The following UBXN2A variants were observed in gnomAD, a reference collection of about 807,000 sequenced individuals.
UBXN2A encodes the protein UBX domain-containing protein 2A.
Under a neutral mutation model 28.4 loss-of-function variants are expected in UBXN2A, and 28 were observed. The observed-to-expected ratio is 0.99, with a 90% CI of 0.73 to 1.35. The LOEUF (loss-of-function observed/expected upper bound fraction) is 1.35. Among genes scored for constraint, UBXN2A ranks in the 40% most tolerant of loss-of-function variants. The pLI is 0.00. For synonymous variants in UBXN2A, 97 were observed against 103.6 expected, an observed-to-expected ratio of 0.94 and a Z score of 0.39; for missense variants, 253 against 297.9, an observed-to-expected ratio of 0.85 and a Z score of 1.11.
chr2:23,967,847 C>A (rs1707239060), intron 2 of UBXN2A, among the ~76,000 whole-genome samples: 1 of 151,804 alleles, frequency 6.6e-6, no homozygotes, highest in African/African-American at 2.4e-5. Flanking sequence ...TACGAGAGGA[C>A]TACCTAGGGA....
intron 1 of UBXN2A, among the ~76,000 whole-genome samples, chr2:23,931,157 A>G (rs896391257): frequency 6.6e-6 from 1 of 151,092 alleles, no homozygotes; most frequent in Non-Finnish European, 1.5e-5. Flanking sequence ...ATCTCAAAAA[A>G]AAAAGGGGGG....
chr2:23,934,216 A>T (rs1405042443), intron 1 of UBXN2A, among the ~76,000 whole-genome samples: 4 of 125,546 alleles, frequency 3.2e-5, no homozygotes, highest in Non-Finnish European at 5.7e-5. Context: ...GTGTTAAAAT[A>T]AAAAAAAAAA....
At chr2:23,983,536 A>C (rs533163126) in intron 5 of UBXN2A, among the ~76,000 whole-genome samples, 152 of 152,276 alleles carry the variant, frequency 1.0e-3, no homozygotes, top group African/African-American at 3.4e-3. Flanking sequence ...GCAATACAGT[A>C]AAAAATCATG....
chr2:23,992,835 A>T (rs114628583), intron 6 of UBXN2A, among the ~76,000 whole-genome samples: 1 of 152,130 alleles, frequency 6.6e-6, no homozygotes, highest in African/African-American at 2.4e-5. Flanking sequence ...TTTAATTTCA[A>T]CGTATCTGTA....
intron 2 of UBXN2A, among the ~76,000 whole-genome samples, chr2:23,959,463 G>A (rs1706798073): frequency 6.6e-6 from 1 of 152,082 alleles, no homozygotes; most frequent in Non-Finnish European, 1.5e-5. Context: ...CTGCACTCCA[G>A]CCTGGGTGAC....
Position 23,958,375 on chromosome 2 carries a change from A to C in UBXN2A, c.41+20A>C. On this transcript the variant is annotated intron_variant, in intron 2 of 6. Transcript: ENST00000309033. ...AGAATGGTAAGTTAATTCAAACTGA[A>C]TTGCTTTGTTAATGCCTTTGTTAAT... 1 of 1,594,344 alleles carries C rather than the reference A, an allele frequency of 6.3e-7. No individual in the cohort carries two copies. The highest frequency in any genetic ancestry group is 8.5e-7 in the Non-Finnish European group (1 of 1,172,356).
chr2:23,947,894 G>A (rs1348950920), intron 1 of UBXN2A, among the ~76,000 whole-genome samples: 1 of 151,834 alleles, frequency 6.6e-6, no homozygotes, highest in Non-Finnish European at 1.5e-5. Flanking sequence ...TGCTCTTGTT[G>A]CCCAGGCTGG....
At chr2:23,997,682 G>A (rs192300909) in intron 6 of UBXN2A, among the ~76,000 whole-genome samples, 40 of 152,024 alleles carry the variant, frequency 2.6e-4, no homozygotes, top group South Asian at 1.2e-3. Flanking sequence ...TCTTGATCTC[G>A]TGATCTGCCT....
upstream of UBXN2A, among the ~76,000 whole-genome samples, chr2:23,939,032 T>G (rs547417013): frequency 7.9e-5 from 12 of 151,924 alleles, no homozygotes; most frequent in Admixed American, 3.3e-4. Flanking sequence ...GAGGTGGTGG[T>G]GGGGGGAACG....
At chr2:23,997,395 AT>A (rs1488224041) in intron 6 of UBXN2A, among the ~76,000 whole-genome samples, 1 of 152,196 alleles carries the variant, frequency 6.6e-6, no homozygotes, top group Admixed American at 6.5e-5. Flanking sequence ...AGCACATCTG[AT>A]TTCTTATATC....
intron 2 of UBXN2A, among the ~76,000 whole-genome samples, chr2:23,970,263 G>A (rs746384534): frequency 2.6e-5 from 4 of 152,284 alleles, no homozygotes; most frequent in South Asian, 2.1e-4. Flanking sequence ...CAGCCTGCAC[G>A]ACAGAGAGGG....
intron 2 of UBXN2A, among the ~76,000 whole-genome samples, chr2:23,964,501 C>T (rs867373977): frequency 5.5e-4 from 84 of 152,306 alleles, no homozygotes; most frequent in African/African-American, 1.7e-3. Context: ...TGAGCCACCA[C>T]GCTCGGCTAT....
chr2:23,990,798 A>G (rs1358663490), intron 6 of UBXN2A, among the ~76,000 whole-genome samples: 4 of 152,018 alleles, frequency 2.6e-5, no homozygotes, highest in Non-Finnish European at 4.4e-5. Flanking sequence ...AGTATTTGCT[A>G]TGGCTGCACA....
At chr2:23,985,113 T>C (rs913338741) in intron 6 of UBXN2A, among the ~76,000 whole-genome samples, 2 of 152,122 alleles carry the variant, frequency 1.3e-5, no homozygotes, top group Non-Finnish European at 2.9e-5. Context: ...TTTTAAAAAT[T>C]GTTTTGTAGA....
At chr2:23,956,398 G>A (rs1706627139) in intron 1 of UBXN2A, among the ~76,000 whole-genome samples, 1 of 152,022 alleles carries the variant, frequency 6.6e-6, no homozygotes, top group African/African-American at 2.4e-5. Flanking sequence ...TGTCACCAGA[G>A]TTGGAGTGCA....
At chr2:23,949,124 T>C (rs965428468) in intron 1 of UBXN2A, among the ~76,000 whole-genome samples, 3 of 148,418 alleles carry the variant, frequency 2.0e-5, no homozygotes, top group Non-Finnish European at 4.5e-5. Context: ...TTCTTTTTTT[T>C]TTTTTTTTTG....
Position 23,956,177 on chromosome 2 carries a change from T to TAA in UBXN2A, c.-14-2112_-14-2111dup, listed in dbSNP as rs35223637. 1.8e-3 allele frequency among the ~76,000 whole-genome samples: 270 copies of TAA among 147,464 alleles called. 3 individuals are homozygous for TAA. The highest frequency in any genetic ancestry group is 0.018 in the Middle Eastern group (5 of 284). On this transcript the variant is annotated intron_variant, in intron 1 of 6. Transcript: ENST00000309033. ...CCATACCTGACCTCATCTTTTTTAT[T>TAA]AAAAAAAAAAAAATCTGATCGTATA...
chr2:23,996,651 AT>A (rs1398655484), intron 6 of UBXN2A: 1 of 142,660 alleles, frequency 7.0e-6, no homozygotes, highest in Non-Finnish European at 1.5e-5. Flanking sequence ...TAATTTTTGT[AT>A]TTTTAGTAGA....
Position 23,999,837 on chromosome 2 carries a change from T to G in UBXN2A, c.750T>G (p.Thr250=). The G allele has an allele frequency of 6.2e-7, 1 of 1,612,432 alleles. No individual in the cohort carries two copies. The highest frequency in any genetic ancestry group is 8.5e-7 in the Non-Finnish European group (1 of 1,179,626). The part of the protein sequence containing the change: ...NAVIIQRLQK[T]ASFRELSEH ...TCATCATTCAGAGACTCCAAAAAACTGCATCTTTTAGAGAACTTTCAGAGC... is the reference window on the plus strand; with the variant it reads ...TCATCATTCAGAGACTCCAAAAAACGGCATCTTTTAGAGAACTTTCAGAGC... Residue 250 remains threonine, a synonymous_variant, in exon 7 of 7, where the codon ACT becomes ACG. Transcript: ENST00000309033.
Sources: gnomAD v4.1 joint callset for allele counts (sites outside exome capture counted in the v4.1 genomes callset) on GRCh38, gnomAD v4.1.1 for gene constraint, MANE v1.5 for transcripts, NCBI Gene and HGNC (gene_info 2026-07-23, HGNC 2026-07-21) for gene names.